MYRIP: variants seen among roughly 807,000 people sequenced by gnomAD.
MYRIP encodes myosin VIIA and Rab interacting protein.
A neutral mutation model predicts 98.0 loss-of-function variants in MYRIP; 49 were observed. The ratio of observed to expected loss-of-function variants is 0.50; its 90% CI spans 0.40 to 0.63. The LOEUF (loss-of-function observed/expected upper bound fraction) is 0.63, where lower values mean the gene tolerates loss of function less well. MYRIP is among the 30% of genes least tolerant of loss of function. The pLI, the probability that MYRIP is intolerant of heterozygous loss-of-function variation, is 0.00. For synonymous variants in MYRIP, 404 were observed against 409.5 expected, an observed-to-expected ratio of 0.99 and a Z score of 0.16; for missense variants, 1,004 against 1,058.2, an observed-to-expected ratio of 0.95 and a Z score of 0.71.
intron 2 of MYRIP, among the ~76,000 whole-genome samples, chr3:39,991,886 T>G (rs2125772556): frequency 6.6e-6 from 1 of 152,348 alleles, no homozygotes; most frequent in South Asian, 2.1e-4. Flanking sequence ...GTCTCATTTC[T>G]TCACTGATAT....
At chr3:39,969,822 T>C (rs1945533084) in intron 2 of MYRIP, among the ~76,000 whole-genome samples, 2 of 152,208 alleles carry the variant, frequency 1.3e-5, no homozygotes, top group African/African-American at 4.8e-5. Flanking sequence ...GGTATGAAGA[T>C]GATGCTGGCC....
chr3:39,904,241 GTTGTTTGTTTGT>G, intron 2 of MYRIP, among the ~76,000 whole-genome samples: 1 of 151,956 alleles, frequency 6.6e-6, no homozygotes, highest in East Asian at 1.9e-4. Flanking sequence ...TTCTTTGTTT[GTTGTTTGTTTGT>G]TTGTTTGTTT....
At chr3:40,125,371 C>T (rs1292910432) in intron 3 of MYRIP, among the ~76,000 whole-genome samples, 3 of 152,210 alleles carry the variant, frequency 2.0e-5, no homozygotes, top group Non-Finnish European at 4.4e-5. Context: ...GGGTGGGAAG[C>T]ATCCAGCACG....
intron 2 of MYRIP, among the ~76,000 whole-genome samples, chr3:39,904,342 TCTC>T (rs1014303073): frequency 2.6e-5 from 4 of 152,042 alleles, no homozygotes; most frequent in African/African-American, 9.7e-5. Flanking sequence ...TTCAAGAAAT[TCTC>T]CTGCCTCGAC....
At chr3:40,106,405 T>A (rs538168090) in intron 3 of MYRIP, among the ~76,000 whole-genome samples, 1 of 152,352 alleles carries the variant, frequency 6.6e-6, no homozygotes. Flanking sequence ...TGTTTGTTAA[T>A]GCTGACTTTT....
At chr3:40,211,902 C>T (rs1379423907) in intron 11 of MYRIP, among the ~76,000 whole-genome samples, 1 of 151,864 alleles carries the variant, frequency 6.6e-6, no homozygotes, top group African/African-American at 2.4e-5. Flanking sequence ...TTCCTGGGGA[C>T]TTGGACAAGC....
chr3:40,166,597 C>T (rs1324192587), intron 5 of MYRIP, among the ~76,000 whole-genome samples: 3 of 152,030 alleles, frequency 2.0e-5, no homozygotes, highest in African/African-American at 4.8e-5. Context: ...GAGCAAGAGT[C>T]TAGGAGGGAG....
intron 9 of MYRIP, among the ~76,000 whole-genome samples, chr3:40,187,805 C>A (rs779710227): frequency 1.3e-5 from 2 of 152,170 alleles, no homozygotes; most frequent in Non-Finnish European, 2.9e-5. Context: ...GGCCCTCACA[C>A]CAGGAGAGCT....
At chr3:40,073,551 C>A (rs1948274633) in intron 3 of MYRIP, among the ~76,000 whole-genome samples, 1 of 152,220 alleles carries the variant, frequency 6.6e-6, no homozygotes, top group Non-Finnish European at 1.5e-5. Context: ...ACGAATCCTA[C>A]CTAATGACGG....
chr3:40,025,160 G>A (rs564564029), intron 2 of MYRIP, among the ~76,000 whole-genome samples: 33 of 152,282 alleles, frequency 2.2e-4, no homozygotes, highest in African/African-American at 7.2e-4. Context: ...AGCCTTATCA[G>A]ACAGCACTCA....
chr3:39,960,752 T>C lies in MYRIP; in HGVS notation c.110+59826T>C, dbSNP rs62264376. 3.7e-3 allele frequency among the ~76,000 whole-genome samples: 569 copies of C among 152,290 alleles called. 5 individuals carry two copies. The highest frequency in any genetic ancestry group is 5.5e-3 in the Non-Finnish European group (374 of 68,012). ...TGGTAGTTTAGCCATAACAGGTTGC[T>C]AATGAGGGAATCAAGGCAGAGGCAG... On this transcript the variant is annotated intron_variant, in intron 2 of 16. Transcript: ENST00000302541.
intron 11 of MYRIP, among the ~76,000 whole-genome samples, chr3:40,212,158 A>G (rs370521847): frequency 0.22 from 719 of 3,340 alleles, 132 homozygotes; most frequent in Middle Eastern, 0.5. Context: ...ATATACGTGT[A>G]TATATATATA....
At chr3:39,877,326 CCTT>C (rs1193312169) in intron 1 of MYRIP, among the ~76,000 whole-genome samples, 3 of 152,090 alleles carry the variant, frequency 2.0e-5, no homozygotes, top group African/African-American at 2.4e-5. Context: ...TCGTCTGAAG[CCTT>C]CTTCTCTCAG....
At position 40,227,014 on chromosome 3, in the gene MYRIP, G is replaced by A. The variant is rs554089202; in HGVS notation, c.1906-6845G>A. The stretch of plus-strand genomic sequence containing the variant: ...CCAAAGTAAAATGCTAGCAGCACCC[G>A]GTTGTTCTCTCTGTAGGTCCGCAGC... On this transcript the variant is annotated intron_variant, in intron 11 of 16. Transcript: ENST00000302541. Among the ~76,000 whole-genome samples the A allele has an allele frequency of 5.3e-5, 8 of 152,294 alleles. No homozygotes were observed. In the East Asian group the frequency reaches 7.7e-4, roughly 15 times the overall value.
chr3:40,019,413 T>C (rs1946941258), intron 2 of MYRIP, among the ~76,000 whole-genome samples: 1 of 152,192 alleles, frequency 6.6e-6, no homozygotes, highest in Non-Finnish European at 1.5e-5. Context: ...AGTGAACTCC[T>C]GCACATCCTT....
At chr3:39,952,371 G>C (rs1298307772) in intron 2 of MYRIP, among the ~76,000 whole-genome samples, 1 of 152,030 alleles carries the variant, frequency 6.6e-6, no homozygotes, top group Non-Finnish European at 1.5e-5. Context: ...CATTTGTTGA[G>C]AGTTTTTATC....
At chr3:39,884,710 T>A (rs1222259068) in intron 1 of MYRIP, among the ~76,000 whole-genome samples, 1 of 152,130 alleles carries the variant, frequency 6.6e-6, no homozygotes, top group East Asian at 1.9e-4. Flanking sequence ...ATATGTAAGT[T>A]CTTGAAGAAC....
chr3:39,935,432 G>A (rs185560893), intron 2 of MYRIP, among the ~76,000 whole-genome samples: 7 of 152,194 alleles, frequency 4.6e-5, no homozygotes, highest in Non-Finnish European at 1.0e-4. Context: ...CCAATTACAA[G>A]GTCAGGAACC....
intron 3 of MYRIP, among the ~76,000 whole-genome samples, chr3:40,108,400 C>A (rs1358117756): frequency 2.0e-5 from 3 of 148,186 alleles, no homozygotes; most frequent in Non-Finnish European, 4.5e-5. Flanking sequence ...CAGCTGACAC[C>A]ACAGGCATGA....
Sources: allele counts gnomAD v4.1 joint callset (sites outside exome capture counted in the v4.1 genomes callset), GRCh38; gene constraint gnomAD v4.1.1; transcripts MANE v1.5; gene names NCBI Gene and HGNC (gene_info 2026-07-23, HGNC 2026-07-21).